Variants in SLIT2 observed in about 807,000 individuals in gnomAD.
SLIT2 encodes the protein slit homolog 2 protein.
Under a neutral mutation model 185.7 loss-of-function variants are expected in SLIT2, and 41 were observed. The observed-to-expected ratio is 0.22, with a 90% CI of 0.17 to 0.29. The LOEUF (loss-of-function observed/expected upper bound fraction) is 0.29, where lower values mean the gene tolerates loss of function less well. Ranked by LOEUF, SLIT2 falls within the 10% of genes least tolerant of loss-of-function variation. The pLI is 1.00. For synonymous variants in SLIT2, 693 were observed against 680.2 expected (o/e 1.02, Z -0.29); for missense variants, 1,571 against 1,909.0 (o/e 0.82, Z 3.30).
chr4:20,595,125 G>A (rs980444650), intron 30 of SLIT2, among the ~76,000 whole-genome samples: 2 of 152,126 alleles, frequency 1.3e-5, no homozygotes, highest in Admixed American at 1.3e-4. Context: ...AACCCATTAT[G>A]TCAGTCCCGT....
chr4:20,271,448 ATTAAT>A (rs1265807417), intron 4 of SLIT2, among the ~76,000 whole-genome samples: 2 of 146,044 alleles, frequency 1.4e-5, no homozygotes, highest in East Asian at 2.0e-4. Context: ...ATAATATATA[ATTAAT>A]TTATATATAA....
chr4:20,359,935 A>G (rs937674144), intron 4 of SLIT2, among the ~76,000 whole-genome samples: 1 of 152,108 alleles, frequency 6.6e-6, no homozygotes, highest in Non-Finnish European at 1.5e-5. Flanking sequence ...GTGACAATGC[A>G]TTTTAGAGAA....
At chr4:20,449,128 CAATT>C (rs1453396859) in intron 4 of SLIT2, among the ~76,000 whole-genome samples, 1 of 151,974 alleles carries the variant, frequency 6.6e-6, no homozygotes, top group South Asian at 2.1e-4. Context: ...CAATTAAAAA[CAATT>C]AAATCAATTG....
chr4:20,314,383 C>A (rs966977246), intron 4 of SLIT2, among the ~76,000 whole-genome samples: 1 of 152,282 alleles, frequency 6.6e-6, no homozygotes, highest in South Asian at 2.1e-4. Flanking sequence ...TATACACATA[C>A]ACACACTTAC....
At chr4:20,594,129 A>G (rs548966055) in intron 30 of SLIT2, among the ~76,000 whole-genome samples, 13 of 147,332 alleles carry the variant, frequency 8.8e-5, no homozygotes, top group South Asian at 8.4e-4. Context: ...ACATGTGCAT[A>G]TATATACATA....
At position 20,498,172 on chromosome 4, in the gene SLIT2, C is replaced by T. The variant is rs184036623; in HGVS notation, c.914+6273C>T. Among the ~76,000 whole-genome samples the T allele has an allele frequency of 2.6e-3, 396 of 151,808 alleles. 5 individuals are homozygous for T. Among genetic ancestry groups the T allele is most frequent in the Non-Finnish European group, 4.7e-3 (322 of 67,964 alleles). On this transcript the variant is annotated intron_variant, in intron 9 of 36. Transcript: ENST00000504154. ...TGGGCAACAGAGCGAGGCTCCGTCT[C>T]AAAAATAAATAAATAAAATAAAAAA...
chr4:20,598,179 T>C (rs1424034397), intron 32 of SLIT2, 86 bp from the exon 33 acceptor site: 25 of 1,294,958 alleles, frequency 1.9e-5, no homozygotes, highest in Non-Finnish European at 2.7e-5. Context: ...TAGTAAAACC[T>C]GTTCACCTCA....
At chr4:20,537,086 T>C (rs1473991839) in intron 18 of SLIT2, among the ~76,000 whole-genome samples, 1 of 152,212 alleles carries the variant, frequency 6.6e-6, no homozygotes, top group African/African-American at 2.4e-5. Flanking sequence ...GGCTGTTTTA[T>C]AGTTAACTTT....
intron 4 of SLIT2, among the ~76,000 whole-genome samples, chr4:20,427,258 G>A (rs558413183): frequency 1.8e-4 from 27 of 152,190 alleles, no homozygotes; most frequent in African/African-American, 6.5e-4. Flanking sequence ...TTCCTTAGAT[G>A]GTGCTCCTTC....
chr4:20,280,574 T>C lies in SLIT2; in HGVS notation c.395+11693T>C, dbSNP rs546357326. ...AGAAGGCCTCCAAGCCTCTAGGGAA[T>C]GTGTGAAGATAATTGAGGGAAAGGA... On this transcript the variant is annotated intron_variant, in intron 4 of 36. Transcript: ENST00000504154. Among the ~76,000 whole-genome samples the C allele has an allele frequency of 3.2e-4, 49 of 152,128 alleles. No homozygotes were observed. The South Asian group carries it at 0.01, about 32-fold the overall frequency.
intron 12 of SLIT2, 96 bp from the exon 13 acceptor site, chr4:20,523,662 AAT>A (rs1721030050): frequency 1.1e-6 from 1 of 944,354 alleles, no homozygotes; most frequent in Admixed American, 2.1e-5. Context: ...GGTGAAAAGA[AAT>A]ATATTTCTTG....
chr4:20,436,779 G>A (rs1248287821), intron 4 of SLIT2, among the ~76,000 whole-genome samples: 1 of 152,104 alleles, frequency 6.6e-6, no homozygotes, highest in African/African-American at 2.4e-5. Flanking sequence ...GCAAAGCCTA[G>A]CATATTTACT....
At chr4:20,546,674 T>TAA (rs1451075799) in intron 22 of SLIT2, among the ~76,000 whole-genome samples, 1 of 152,110 alleles carries the variant, frequency 6.6e-6, no homozygotes, top group East Asian at 1.9e-4. Flanking sequence ...TTTTTTAGCT[T>TAA]AAAATAACAT....
intron 5 of SLIT2, among the ~76,000 whole-genome samples, chr4:20,471,822 A>C (rs1425653881): frequency 6.6e-6 from 1 of 152,168 alleles, no homozygotes; most frequent in Non-Finnish European, 1.5e-5. Context: ...CACTAAAACT[A>C]TTCTAAACAG....
chr4:20,558,658 T>C (rs1196576825), intron 26 of SLIT2, among the ~76,000 whole-genome samples: 3 of 152,036 alleles, frequency 2.0e-5, no homozygotes, highest in Admixed American at 6.6e-5. Context: ...CATCTTTGTG[T>C]AACTCAGTAT....
chr4:20,541,719 T>C, intron 20 of SLIT2, 100 bp downstream of exon 20: 2 of 1,044,628 alleles, frequency 1.9e-6, no homozygotes, highest in Non-Finnish European at 2.8e-6. Context: ...CAGCAAATAA[T>C]GATCGTGTAT....
At chr4:20,489,038 G>GGATACAATA in intron 8 of SLIT2, 56 bp downstream of exon 8, 1 of 1,425,108 alleles carries the variant, frequency 7.0e-7, no homozygotes, top group South Asian at 1.2e-5. Flanking sequence ...TTATGTAACA[G>GGATACAATA]AATGTGAGGG....
chr4:20,289,836 A>C (rs1173328940), intron 4 of SLIT2, among the ~76,000 whole-genome samples: 1 of 152,166 alleles, frequency 6.6e-6, no homozygotes, highest in African/African-American at 2.4e-5. Context: ...GGGCTTTCCC[A>C]GTTTGTGACA....
chr4:20,381,273 A>C (rs1724488338), intron 4 of SLIT2, among the ~76,000 whole-genome samples: 1 of 151,994 alleles, frequency 6.6e-6, no homozygotes, highest in Admixed American at 6.6e-5. Context: ...AAAAACAAAT[A>C]AAATTGCTGA....
Sources: allele counts gnomAD v4.1 joint callset (sites outside exome capture counted in the v4.1 genomes callset), GRCh38; gene constraint gnomAD v4.1.1; transcripts MANE v1.5; gene names NCBI Gene and HGNC (gene_info 2026-07-23, HGNC 2026-07-21).